The following CRYM variants were observed in gnomAD, a reference collection of about 807,000 sequenced individuals.
CRYM encodes ketimine reductase mu-crystallin.
A neutral mutation model predicts 32.9 loss-of-function variants in CRYM; 18 were observed. That is an observed-to-expected ratio of 0.55 (90% CI 0.38 to 0.81). The LOEUF is 0.81. Ranked by LOEUF, CRYM falls within the 30% of genes least tolerant of loss-of-function variation. The probability of loss-of-function intolerance (pLI) is 0.00; values close to 1 mark genes in which losing one functional copy is unlikely to be tolerated. For synonymous variants in CRYM, 153 were observed against 152.4 expected (o/e 1.00, Z -0.03); for missense variants, 337 against 393.5 (o/e 0.86, Z 1.21).
chr16:21,302,008 G>A (rs1004163616), intron 1 of CRYM, among the ~76,000 whole-genome samples: 1 of 152,216 alleles, frequency 6.6e-6, no homozygotes, highest in African/African-American at 2.4e-5. Flanking sequence ...GAGCCCAAAA[G>A]GGCGACCCCC....
intron 1 of CRYM, among the ~76,000 whole-genome samples, chr16:21,301,665 A>G (rs931257807): frequency 6.6e-6 from 1 of 152,078 alleles, no homozygotes; most frequent in Non-Finnish European, 1.5e-5. Context: ...CGACAGCTTC[A>G]CCCGCACCTC....
In CRYM at chr16:21,262,157, A is replaced by T; in HGVS notation, c.675T>A (p.Ala225=). The T allele has an allele frequency of 3.1e-6, 5 of 1,614,084 alleles. No individual in the cohort carries two copies. Among genetic ancestry groups the T allele is most frequent in the East Asian group, 2.2e-5 (1 of 44,878 alleles). ...EWVKPGAHIN[A]VGASRPDWRE... is the part of the protein sequence containing the mutation. ...TCCAGTCAGGTCTGCTGGCTCCAACAGCTAAGAGACAGCAAAACAGACCTT... is the reference window on the plus strand; with the variant it reads ...TCCAGTCAGGTCTGCTGGCTCCAACTGCTAAGAGACAGCAAAACAGACCTT... Residue 225 remains alanine (A), a splice_region_variant and synonymous_variant, in exon 6 of 8, where the codon GCT becomes GCA. Transcript: ENST00000572914.
chr16:21,261,991 G>A, intron 6 of CRYM, 46 bp downstream of exon 6: 1 of 1,612,578 alleles, frequency 6.2e-7, no homozygotes, highest in Non-Finnish European at 8.5e-7. Context: ...GGATCCAGGT[G>A]AGGCCAGCCA....
At chr16:21,262,199 C>A in intron 5 of CRYM, 41 bp from the exon 6 acceptor site, 2 of 1,612,992 alleles carry the variant, frequency 1.2e-6, no homozygotes, top group Non-Finnish European at 1.7e-6. Flanking sequence ...AGGATTAGTG[C>A]CAAAGGCTGC....
At chr16:21,290,817 C>T (rs1230680005) in intron 1 of CRYM, among the ~76,000 whole-genome samples, 1 of 152,196 alleles carries the variant, frequency 6.6e-6, no homozygotes, top group Non-Finnish European at 1.5e-5. Flanking sequence ...TCCTTATCCT[C>T]TTTCCACTGT....
intron 5 of CRYM, among the ~76,000 whole-genome samples, chr16:21,265,201 C>T (rs1234732123): frequency 6.6e-6 from 1 of 152,164 alleles, no homozygotes; most frequent in Non-Finnish European, 1.5e-5. Flanking sequence ...CTTACCCATT[C>T]CCTGGACCCA....
At chr16:21,267,511 C>A (rs763166715) in intron 5 of CRYM, 43 bp downstream of exon 5, 1 of 1,603,236 alleles carries the variant, frequency 6.2e-7, no homozygotes. Context: ...TAGAGAGGAG[C>A]CTGGCCACCA....
intron 2 of CRYM, among the ~76,000 whole-genome samples, 153 bp from the exon 3 acceptor site, chr16:21,275,747 C>T (rs747121372): frequency 1.3e-5 from 2 of 152,160 alleles, no homozygotes; most frequent in South Asian, 2.1e-4. Flanking sequence ...CCTCCACTTA[C>T]GAGATATGCA....
Position 21,290,361 on chromosome 16 carries a change from C to T in CRYM, c.-192-11401G>A, listed in dbSNP as rs147042183. Among the ~76,000 whole-genome samples the T allele has an allele frequency of 5.6e-3, 857 of 152,088 alleles. 7 individuals are homozygous for T. Among genetic ancestry groups the T allele is most frequent in the African/African-American group, 0.019 (788 of 41,480 alleles). On this transcript the variant is annotated intron_variant, in intron 1 of 9. Transcript: ENST00000219599. ...TGCCACCTTTAAGAGCTGTAACACT[C>T]ACTACAAAGGTCTGCAGCTTCTCTC...
intron 5 of CRYM, among the ~76,000 whole-genome samples, chr16:21,263,548 T>C (rs1356652443): frequency 6.6e-6 from 1 of 151,942 alleles, no homozygotes; most frequent in African/African-American, 2.4e-5. Context: ...TCTTAACTCA[T>C]GACAAAAGAA....
In CRYM at chr16:21,278,185, G is replaced by A; in HGVS notation, c.67C>T (p.Leu23Phe). 2.6e-6 allele frequency: 4 copies of A among 1,553,170 alleles called. No homozygotes were observed. The highest frequency in any genetic ancestry group is 1.4e-5 in the African/African-American group (1 of 73,230). ...AGGGCCGTCTCTAGAGGCGGGATGA[G>A]GAGGCTGGAGCTGCGGAGGTGTTCC... ...VEEHLRSSSL[L>F]IPPLETALAN... Residue 23 changes from leucine (L) to phenylalanine (F), a missense_variant, in exon 1 of 8, where the codon CTC becomes TTC. Leu to Phe is a conservative substitution (Grantham distance 22, BLOSUM62 0). Transcript: ENST00000572914.
chr16:21,302,094 T>TAC (rs965527779), intron 1 of CRYM, among the ~76,000 whole-genome samples: 3 of 152,098 alleles, frequency 2.0e-5, no homozygotes, highest in African/African-American at 7.2e-5. Context: ...CACACACACA[T>TAC]ACACACAATC....
Position 21,287,389 on chromosome 16 carries a change from G to A in CRYM, c.-192-8429C>T, listed in dbSNP as rs370832865. Reference sequence around the variant, plus strand: ...CTTCATCCCTTGTTCCTGGCACAGAGCTCCCACAGTCCTTGGAATTTCTGG... The same window carrying A: ...CTTCATCCCTTGTTCCTGGCACAGAACTCCCACAGTCCTTGGAATTTCTGG... On this transcript the variant is annotated intron_variant, in intron 1 of 9. Transcript: ENST00000219599. Among the ~76,000 whole-genome samples, 13 of 152,326 alleles carry A rather than the reference G, an allele frequency of 8.5e-5. 1 individual carries two copies. The highest frequency in any genetic ancestry group is 1.3e-4 in the Admixed American group (2 of 15,304).
intron 6 of CRYM, 91 bp from the exon 7 acceptor site, chr16:21,261,429 A>T: frequency 2.8e-5 from 21 of 756,990 alleles, no homozygotes; most frequent in Non-Finnish European, 4.4e-5. Flanking sequence ...CCTGAATTGG[A>T]TAAGAGATAA....
chr16:21,288,792 G>A (rs983981096), intron 1 of CRYM, among the ~76,000 whole-genome samples: 3 of 151,898 alleles, frequency 2.0e-5, no homozygotes, highest in African/African-American at 7.2e-5. Flanking sequence ...CCATATTTTT[G>A]TTTTCATTCA....
At chr16:21,282,967 A>G (rs1197825997), upstream of CRYM, among the ~76,000 whole-genome samples, 4 of 151,892 alleles carry the variant, frequency 2.6e-5, no homozygotes, top group East Asian at 7.8e-4. Context: ...TTATGACTTA[A>G]CAGAAAGAAG....
At chr16:21,272,136 T>C (rs928320790) in intron 3 of CRYM, among the ~76,000 whole-genome samples, 1 of 152,134 alleles carries the variant, frequency 6.6e-6, no homozygotes, top group Non-Finnish European at 1.5e-5. Context: ...GTGCTGGGAT[T>C]ACAGGTGTAA....
chr16:21,293,160 T>G (rs1960705840), intron 1 of CRYM, among the ~76,000 whole-genome samples: 1 of 152,202 alleles, frequency 6.6e-6, no homozygotes, highest in Non-Finnish European at 1.5e-5. Flanking sequence ...TCATTTCAAT[T>G]AGTGGTCATG....
intron 2 of CRYM, among the ~76,000 whole-genome samples, chr16:21,276,157 C>T (rs576525863): frequency 2.6e-5 from 4 of 152,290 alleles, no homozygotes; most frequent in South Asian, 2.1e-4. Context: ...AATTATGCCT[C>T]GCTAGTAAAA....
Sources: gnomAD v4.1 joint callset for allele counts (sites outside exome capture counted in the v4.1 genomes callset) on GRCh38, gnomAD v4.1.1 for gene constraint, MANE v1.5 for transcripts, NCBI Gene and HGNC (gene_info 2026-07-23, HGNC 2026-07-21) for gene names.